The following SUZ12 variants were observed in gnomAD, a reference collection of about 807,000 sequenced individuals.
SUZ12 encodes SUZ12 polycomb repressive complex 2 subunit.
In SUZ12, 17 loss-of-function variants were observed where a neutral mutation model predicts 87.3. That is an observed-to-expected ratio of 0.19 (90% CI 0.13 to 0.29). SUZ12 has a LOEUF of 0.29. Ranked by LOEUF, SUZ12 falls within the 10% of genes least tolerant of loss-of-function variation. The pLI is 1.00. For synonymous variants in SUZ12, 253 were observed against 312.4 expected (o/e 0.81, Z 2.01); for missense variants, 526 against 912.2 (o/e 0.58, Z 5.45).
intron 4 of SUZ12, chr17:31,963,870 C>T (rs1907915016): frequency 6.6e-6 from 1 of 152,264 alleles, no homozygotes; most frequent in Admixed American, 6.6e-5. Context: ...ATCCAAGTAC[C>T]AACCAGGCCC....
chr17:31,966,843 A>C (rs1908119421), intron 5 of SUZ12: 1 of 152,250 alleles, frequency 6.6e-6, no homozygotes, highest in Non-Finnish European at 1.5e-5. Flanking sequence ...ATATTACTCC[A>C]GTAAAAGCTC....
intron 4 of SUZ12, among the ~76,000 whole-genome samples, chr17:31,965,509 C>G (rs1214117168): frequency 6.6e-6 from 1 of 152,088 alleles, no homozygotes; most frequent in Admixed American, 6.6e-5. Context: ...TCCATAGCTT[C>G]TAAAACTAAC....
At chr17:31,973,034 A>G in intron 5 of SUZ12, 112 bp from the exon 6 acceptor site, 1 of 966,920 alleles carries the variant, frequency 1.0e-6, no homozygotes, top group Non-Finnish European at 1.5e-6. Flanking sequence ...TGAACTTTTG[A>G]GAAGTCTTAC....
intron 10 of SUZ12, among the ~76,000 whole-genome samples, chr17:31,992,918 G>GCGC (rs1341114518): frequency 1.3e-5 from 2 of 151,664 alleles, no homozygotes; most frequent in African/African-American, 4.9e-5. Context: ...CGTTGGGCAG[G>GCGC]CTGGTCTCTA....
intron 4 of SUZ12, among the ~76,000 whole-genome samples, chr17:31,964,374 A>G (rs562243435): frequency 6.7e-5 from 10 of 149,058 alleles, no homozygotes; most frequent in African/African-American, 2.5e-4. Flanking sequence ...TTTCTGTACT[A>G]CTGTTCTAGA....
intron 9 of SUZ12, among the ~76,000 whole-genome samples, chr17:31,987,746 G>C (rs1280189874): frequency 3.9e-5 from 6 of 151,974 alleles, no homozygotes; most frequent in Non-Finnish European, 8.8e-5. Context: ...GCCTGGCCAA[G>C]ATGATGAAAC....
chr17:31,972,421 A>G lies in SUZ12; in HGVS notation c.506-725A>G, dbSNP rs182549246. On this transcript the variant is annotated intron_variant, in intron 5 of 15. Coordinates refer to ENST00000322652, the MANE Select transcript of SUZ12 (RefSeq NM_015355.4). ...TATATATATAAATAGAAATGTGTAG[A>G]TGTGTTTTAGAGACAGGATCTCACT... Among the ~76,000 whole-genome samples, 420 of 150,606 alleles carry G rather than the reference A, an allele frequency of 2.8e-3. 2 individuals are homozygous for G. The highest frequency in any genetic ancestry group is 0.011 in the Admixed American group (168 of 15,090).
At chr17:31,979,749 CCT>C (rs946340216) in intron 8 of SUZ12, among the ~76,000 whole-genome samples, 3 of 151,994 alleles carry the variant, frequency 2.0e-5, no homozygotes, top group African/African-American at 7.2e-5. Flanking sequence ...TACTTTTTTC[CCT>C]TTTATATAAA....
At chr17:31,953,989 G>A (rs1013264989) in intron 4 of SUZ12, among the ~76,000 whole-genome samples, 3 of 152,078 alleles carry the variant, frequency 2.0e-5, no homozygotes, top group African/African-American at 4.8e-5. Flanking sequence ...TGGGATTACA[G>A]GTGTGAGCCA....
intron 9 of SUZ12, among the ~76,000 whole-genome samples, chr17:31,987,991 T>C (rs567267253): frequency 1.3e-5 from 2 of 152,166 alleles, no homozygotes; most frequent in East Asian, 3.9e-4. Context: ...AATGGGAAAT[T>C]TTCCCATGAT....
intron 5 of SUZ12, among the ~76,000 whole-genome samples, chr17:31,969,103 A>G (rs1195504487): frequency 4.6e-5 from 7 of 152,028 alleles, no homozygotes; most frequent in Non-Finnish European, 7.4e-5. Context: ...CCACCTCCCA[A>G]GTATCTGGGA....
At chr17:31,959,805 C>T (rs1907586415) in intron 4 of SUZ12, among the ~76,000 whole-genome samples, 1 of 152,158 alleles carries the variant, frequency 6.6e-6, no homozygotes, top group African/African-American at 2.4e-5. Context: ...TATGAATTAG[C>T]TTAGCATCAT....
Position 31,999,152 on chromosome 17 carries a change from G to C in SUZ12, c.*149G>C, listed in dbSNP as rs1910134369. 6.6e-6 allele frequency: 4 copies of C among 607,396 alleles called. No homozygotes were observed. Among genetic ancestry groups the C allele is most frequent in the South Asian group, 3.1e-5 (1 of 32,160 alleles). 37.6% of individuals were successfully genotyped at this position (607,396 alleles called of 1,614,324 possible). A position where few individuals can be genotyped will look rare whatever the true frequency, so the allele number is the denominator to read the frequency against. On this transcript the variant is annotated 3_prime_UTR_variant, in exon 16 of 16. Coordinates refer to ENST00000322652, the MANE Select transcript of SUZ12 (RefSeq NM_015355.4). ...ATTTCAACAAGGATATTTGTATCAGGGTTCTACTTCACTTCATTATGCAGC... is the reference window on the plus strand; with the variant it reads ...ATTTCAACAAGGATATTTGTATCAGCGTTCTACTTCACTTCATTATGCAGC...
rs372162318 is a variant in SUZ12 at position 31,976,553 on chromosome 17, C to T, written c.856C>T (p.Arg286Ter). 6.2e-7 allele frequency: 1 copy of T among 1,612,440 alleles called. No individual in the cohort carries two copies. The highest frequency in any genetic ancestry group is 8.5e-7 in the Non-Finnish European group (1 of 1,179,228). Residue 286 changes from arginine (R) to a stop codon, truncating the protein, a stop_gained, in exon 8 of 16, where the codon CGA (arginine) becomes TGA (stop). Coordinates refer to ENST00000322652, the MANE Select transcript of SUZ12 (RefSeq NM_015355.4). LOFTEE classifies it high-confidence loss of function. ...TGAAGAGCTTCCAGCCAGAAGAAAA[C>T]GAAATCGTGAGGATGGGGAAAAGAC... is the stretch of plus-strand genomic sequence containing the variant. ...VNEELPARRK[R>*]NREDGEKTFV...
chr17:31,974,069 A>G (rs867824735), intron 6 of SUZ12, among the ~76,000 whole-genome samples: 1 of 152,168 alleles, frequency 6.6e-6, no homozygotes. Context: ...CCAAAAATAC[A>G]AAAATGAGCT....
intron 3 of SUZ12, among the ~76,000 whole-genome samples, chr17:31,944,956 TACTC>T (rs956466710): frequency 8.0e-5 from 12 of 149,382 alleles, no homozygotes; most frequent in African/African-American, 3.0e-4. Flanking sequence ...TAGTCCCAAA[TACTC>T]AGGAGGCTGA....
At chr17:31,972,026 G>T (rs1408508749) in intron 5 of SUZ12, among the ~76,000 whole-genome samples, 29 of 152,128 alleles carry the variant, frequency 1.9e-4, no homozygotes, top group African/African-American at 6.0e-4. Context: ...GCTCACACCT[G>T]TAATCCCAGC....
At chr17:31,945,489 G>T (rs1906584736) in intron 3 of SUZ12, among the ~76,000 whole-genome samples, 1 of 152,172 alleles carries the variant, frequency 6.6e-6, no homozygotes. Flanking sequence ...TAGATTTCGT[G>T]TGAGCTGTTT....
chr17:31,967,279 A>G (rs1050686728), intron 5 of SUZ12: 10 of 152,108 alleles, frequency 6.6e-5, no homozygotes, highest in South Asian at 2.1e-4. Context: ...TTATTATGCA[A>G]TGGAATAAAA....
Sources: gnomAD v4.1 joint callset for allele counts (sites outside exome capture counted in the v4.1 genomes callset) on GRCh38, gnomAD v4.1.1 for gene constraint, MANE v1.5 for transcripts, NCBI Gene and HGNC (gene_info 2026-07-23, HGNC 2026-07-21) for gene names.